The following RPL8 variants were observed in gnomAD, a reference collection of about 807,000 sequenced individuals.
The protein encoded by RPL8 is large ribosomal subunit protein uL2.
For missense variants in RPL8, 248 were observed against 365.9 expected, an observed-to-expected ratio of 0.68 and a Z score of 2.63; for synonymous variants, 182 against 143.2, an observed-to-expected ratio of 1.27 and a Z score of -1.94.
chr8:144,791,383 C>A lies in RPL8; in HGVS notation c.393G>T (p.Gly131=), dbSNP rs770588390. 7 of 1,613,878 alleles carry A rather than the reference C, an allele frequency of 4.3e-6. No homozygotes were observed. In the South Asian group the frequency reaches 7.7e-5, roughly 18 times the overall value. Residue 131 remains glycine (G), a synonymous_variant, in exon 3 of 5, where the codon GGG becomes GGT. Transcript: ENST00000528957. ...GDRGKLARAS[G]NYATVISHNP... ...TGTGGGAGATAACGGTGGCATAGTT[C>A]CCTGATGCCCGGGCCAGCTTGCCAC...
Position 144,792,230 on chromosome 8 carries a change from C to T in RPL8, c.-101G>A. ...GGACCCCGCCCCCGAGGCCGCCGCG[C>T]CCACCACTCCCTACCCTCTCCGCGG... On this transcript the variant is annotated 5_prime_UTR_variant, in exon 1 of 5. Transcript: ENST00000528957. 1.4e-6 allele frequency: 2 copies of T among 1,382,682 alleles called. No individual in the cohort carries two copies. Among genetic ancestry groups the T allele is most frequent in the Non-Finnish European group, 1.9e-6 (2 of 1,072,292 alleles). 85.7% of individuals were successfully genotyped at this position (1,382,682 alleles called of 1,614,324 possible).
intron 2 of RPL8, 98 bp from the exon 3 acceptor site, chr8:144,791,593 C>T (rs1826520120): frequency 6.8e-7 from 1 of 1,479,050 alleles, no homozygotes; most frequent in Non-Finnish European, 9.2e-7. Flanking sequence ...CAGCATTCAA[C>T]ATCCAGCCTC....
intron 4 of RPL8, 60 bp from the exon 5 acceptor site, chr8:144,790,022 C>CG (rs1364478386): frequency 1.4e-5 from 21 of 1,517,354 alleles, no homozygotes; most frequent in Non-Finnish European, 1.6e-5. Flanking sequence ...CCCCCGGCCT[C>CG]GGGGTCCCAC....
chr8:144,791,837 C>T lies in RPL8; in HGVS notation c.216G>A (p.Arg72=). 2 of 1,613,914 alleles carry T rather than the reference C, an allele frequency of 1.2e-6. No individual in the cohort carries two copies. Among genetic ancestry groups the T allele is most frequent in the Non-Finnish European group, 1.7e-6 (2 of 1,180,032 alleles). ...CCTCGGCGGCAATGAACAGCTCCGT[C>T]CGCTTCTTAAACCGATACGGATCCC... ...VFRDPYRFKK[R]TELFIAAEGI... Residue 72 remains arginine, a synonymous_variant, in exon 2 of 5, where the codon CGG becomes CGA. Coordinates refer to ENST00000528957, the MANE Select transcript of RPL8 (RefSeq NM_001317782.2).
Position 144,791,897 on chromosome 8 carries a change from C to T in RPL8, c.156G>A (p.Pro52=). 6.2e-7 allele frequency: 1 copy of T among 1,613,238 alleles called. No homozygotes were observed. The highest frequency in any genetic ancestry group is 1.1e-5 in the South Asian group (1 of 91,078). ...KGIVKDIIHD[P]GRGAPLAKVV... ...CCTTGGCGAGGGGCGCGCCGCGGCCCGGGTCGTGGATGATGTCCTGTGGGC... is the reference window on the plus strand; with the variant it reads ...CCTTGGCGAGGGGCGCGCCGCGGCCTGGGTCGTGGATGATGTCCTGTGGGC... The change falls in exon 2 of 5, where the codon CCG becomes CCA. Residue 52 remains proline (P), a synonymous_variant. Transcript: ENST00000528957.
chr8:144,791,924 G>C lies in RPL8; in HGVS notation c.139-10C>G. 2 of 1,611,914 alleles carry C rather than the reference G, an allele frequency of 1.2e-6. No homozygotes were observed. The highest frequency in any genetic ancestry group is 1.7e-6 in the Non-Finnish European group (2 of 1,179,192). ...GGTCGTGGATGATGTCCTGTGGGCA[G>C]AGGCGGCGTGAGTGCGGCGTTCCGG... On this transcript the variant is annotated splice_polypyrimidine_tract_variant and intron_variant, in intron 1 of 4. Transcript: ENST00000528957.
In RPL8 at chr8:144,792,328, G is replaced by A. The variant is rs1383283771; in HGVS notation, c.-199C>T. ...CGCCTCACGGAAGAGGATGGCGGCGGATACTGCCCATGCCGCAAGGCCGCA... is the reference window on the plus strand; with the variant it reads ...CGCCTCACGGAAGAGGATGGCGGCGAATACTGCCCATGCCGCAAGGCCGCA... On this transcript the variant is annotated 5_prime_UTR_variant, in exon 1 of 5. Transcript: ENST00000528957. 2 of 830,542 alleles carry A rather than the reference G, an allele frequency of 2.4e-6. No individual in the cohort carries two copies. Among genetic ancestry groups the A allele is most frequent in the Non-Finnish European group, 3.3e-6 (2 of 599,334 alleles). 51.4% of individuals were successfully genotyped at this position (830,542 alleles called of 1,614,324 possible). A position where few individuals can be genotyped will look rare whatever the true frequency, so the allele number is the denominator to read the frequency against.
At chr8:144,790,559 C>A in intron 3 of RPL8, 89 bp from the exon 4 acceptor site, 1 of 985,044 alleles carries the variant, frequency 1.0e-6, no homozygotes, top group South Asian at 1.3e-5. Flanking sequence ...CTTCCCAATA[C>A]TGCATCCAAC....
Position 144,789,970 on chromosome 8 carries a change from C to A in RPL8, c.616-8G>T. ...AAAAGGATGCTCCACAGGCTGCAGG[C>A]AGAGAAAGATGGCTTTAGAAACCTC... is the stretch of plus-strand genomic sequence containing the variant. On this transcript the variant is annotated splice_region_variant and splice_polypyrimidine_tract_variant and intron_variant, in intron 4 of 4. Coordinates refer to ENST00000528957, the MANE Select transcript of RPL8 (RefSeq NM_001317782.2). 2 of 1,603,380 alleles carry A rather than the reference C, an allele frequency of 1.2e-6. No homozygotes were observed. Among genetic ancestry groups the A allele is most frequent in the Non-Finnish European group, 8.5e-7 (1 of 1,174,662 alleles).
In RPL8 at chr8:144,790,745, G is replaced by A. The variant is rs113819542; in HGVS notation, c.500-275C>T. 186 of 649,802 alleles carry A rather than the reference G, an allele frequency of 2.9e-4. No homozygotes were observed. In the East Asian group the frequency reaches 4.8e-3, roughly 17 times the overall value. 40.3% of individuals were successfully genotyped at this position (649,802 alleles called of 1,614,324 possible). A position where few individuals can be genotyped will look rare whatever the true frequency, so the allele number is the denominator to read the frequency against. On this transcript the variant is annotated intron_variant, in intron 3 of 4. Coordinates refer to ENST00000528957, the MANE Select transcript of RPL8 (RefSeq NM_001317782.2). The stretch of plus-strand genomic sequence containing the variant: ...GCACCCCCCTCACCATGTGTGAGAC[G>A]TCAGGCCGGCCACTCAACCTGACGT...
In RPL8 at chr8:144,792,040, G is replaced by A. The variant is rs1354675092; in HGVS notation, c.90C>T (p.Arg30=). The A allele has an allele frequency of 6.2e-7, 1 of 1,609,040 alleles. No homozygotes were observed. Among genetic ancestry groups the A allele is most frequent in the Non-Finnish European group, 8.5e-7 (1 of 1,178,432 alleles). The change falls in exon 1 of 5, where the codon CGC becomes CGT. Residue 30 remains arginine (R), a synonymous_variant. Coordinates refer to ENST00000528957, the MANE Select transcript of RPL8 (RefSeq NM_001317782.2). ...CGTGCCGCTCAGCGAAATCCACGGC[G>A]CGCAGGCGCGCAGCGCCTTTACGGT... ...VKHRKGAARL[R]AVDFAERHGY...
chr8:144,790,385 G>A lies in RPL8; in HGVS notation c.585C>T (p.Cys195=), dbSNP rs1259022816. The A allele has an allele frequency of 3.7e-6, 6 of 1,614,016 alleles. No homozygotes were observed. Among genetic ancestry groups the A allele is most frequent in the Non-Finnish European group, 5.1e-6 (6 of 1,180,036 alleles). Residue 195 remains cysteine (C), a synonymous_variant, in exon 4 of 5, where the codon TGC becomes TGT. Coordinates refer to ENST00000528957, the MANE Select transcript of RPL8 (RefSeq NM_001317782.2). Reference sequence around the variant, plus strand: ...TGGCCACACCCCGTACTCGTGGCCAGCAGTTCCTCTTTGCCTTATATTTGT... The same window carrying A: ...TGGCCACACCCCGTACTCGTGGCCAACAGTTCCTCTTTGCCTTATATTTGT... ...AYHKYKAKRN[C]WPRVRGVAMN...
intron 4 of RPL8, 102 bp from the exon 5 acceptor site, chr8:144,790,064 T>G: frequency 7.3e-7 from 1 of 1,372,302 alleles, no homozygotes; most frequent in Non-Finnish European, 9.8e-7. Context: ...GAAGCCCCTC[T>G]CCACAGCATG....
intron 3 of RPL8, 44 bp from the exon 4 acceptor site, chr8:144,790,514 G>T: frequency 6.9e-7 from 1 of 1,450,168 alleles, no homozygotes; most frequent in Non-Finnish European, 9.7e-7. Context: ...GTCGGTCAGA[G>T]CACCCCCACC....
In RPL8 at chr8:144,791,827, A is replaced by T; in HGVS notation, c.226T>A (p.Phe76Ile). Reference protein sequence around the residue: ...PYRFKKRTELFIAAEGIHTGQ... With the variant: ...PYRFKKRTELIIAAEGIHTGQ... ...GTGTGAATGCCCTCGGCGGCAATGA[A>T]CAGCTCCGTCCGCTTCTTAAACCGA... The change falls in exon 2 of 5, where the codon TTC becomes ATC. Residue 76 changes from phenylalanine to isoleucine, a missense_variant. Transcript: ENST00000528957. 6.2e-7 allele frequency: 1 copy of T among 1,613,946 alleles called. No homozygotes were observed. The highest frequency in any genetic ancestry group is 8.5e-7 in the Non-Finnish European group (1 of 1,180,014).
At chr8:144,791,676 G>A (rs1390773586) in intron 2 of RPL8, 97 bp downstream of exon 2, 16 of 1,574,940 alleles carry the variant, frequency 1.0e-5, no homozygotes, top group African/African-American at 5.4e-5. Flanking sequence ...TGAAGCTTCT[G>A]CCTGCGAGGT....
intron 4 of RPL8, 83 bp downstream of exon 4, chr8:144,790,272 G>C: frequency 1.7e-6 from 2 of 1,153,872 alleles, no homozygotes; most frequent in Non-Finnish European, 2.6e-6. Context: ...CTCCTGCAGG[G>C]ACACCTGTGG....
Position 144,790,425 on chromosome 8 carries a change from G to A in RPL8, c.545C>T (p.Ala182Val). ...CTTATATTTGTGGTACGCCCGGCCA[G>A]CCTTCAAGATGGGTTTGTCAATTCG... ...GGRIDKPILK[A>V]GRAYHKYKAK... The change falls in exon 4 of 5, where the codon GCT (alanine) becomes GTT (valine). Residue 182 changes from alanine (A) to valine (V), a missense_variant. Ala to Val is a moderately conservative substitution (Grantham distance 64, BLOSUM62 0). Coordinates refer to ENST00000528957, the MANE Select transcript of RPL8 (RefSeq NM_001317782.2). 1.2e-6 allele frequency: 2 copies of A among 1,614,118 alleles called. No individual in the cohort carries two copies. Among genetic ancestry groups the A allele is most frequent in the South Asian group, 1.1e-5 (1 of 91,082 alleles).
chr8:144,792,383 C>G lies in RPL8; in HGVS notation c.-254G>C, dbSNP rs118000299. ...TGACCTACCTGTTCACCAGCGCGGC[C>G]GAAAGAGGAAACACGGCGTCAGCGA... On this transcript the variant is annotated 5_prime_UTR_variant, in exon 1 of 5. Transcript: ENST00000528957. 3 of 667,696 alleles carry G rather than the reference C, an allele frequency of 4.5e-6. No individual in the cohort carries two copies. The highest frequency in any genetic ancestry group is 1.9e-5 in the African/African-American group (1 of 53,028). 41.4% of individuals were successfully genotyped at this position (667,696 alleles called of 1,614,324 possible).
Sources: allele counts gnomAD v4.1 joint callset, GRCh38; gene constraint gnomAD v4.1.1; transcripts MANE v1.5; gene names NCBI Gene and HGNC (gene_info 2026-07-23, HGNC 2026-07-21).